CCDC197: variants seen among roughly 807,000 people sequenced by gnomAD.
CCDC197 encodes uncharacterized protein CCDC197.
In CCDC197, 24 loss-of-function variants were observed where a neutral mutation model predicts 13.4. The observed-to-expected ratio is 1.80, with a 90% CI of 1.30 to 2.53. The LOEUF (loss-of-function observed/expected upper bound fraction) is 2.53. Ranked by LOEUF, CCDC197 falls within the 30% of genes most tolerant of loss-of-function variation. The pLI is 0.00. For synonymous variants in CCDC197, 99 were observed against 55.5 expected (o/e 1.78, Z -3.48); for missense variants, 255 against 148.8 (o/e 1.71, Z -3.71).
chr14:93,999,444 G>T, intron 2 of CCDC197, 139 bp from the exon 3 acceptor site: 2 of 637,616 alleles, frequency 3.1e-6, no homozygotes, highest in East Asian at 2.7e-5. Flanking sequence ...CTAAGTCTAT[G>T]GCCAACTGAT....
rs958760619 is a variant in CCDC197, at chr14:94,003,372, G to C, written c.498+18G>C. ...GCTATAATGTGAGTCCAGTCTTTCA[G>C]CCTGGGGGTGGGGTTAGGGGTGGGG... is the stretch of plus-strand genomic sequence containing the variant. On this transcript the variant is annotated intron_variant, in intron 5 of 6. Coordinates refer to ENST00000636493, the MANE Select transcript of CCDC197 (RefSeq NM_001351596.2). This position sits in a 1 kb window ranked among gnomAD's most constrained non-coding sequence, Gnocchi z 5.0. The C allele has an allele frequency of 4.3e-6, 3 of 703,502 alleles. No individual in the cohort carries two copies. Among genetic ancestry groups the C allele is most frequent in the Non-Finnish European group, 7.9e-6 (3 of 377,672 alleles). 43.6% of individuals were successfully genotyped at this position (703,502 alleles called of 1,614,324 possible).
Position 93,998,242 on chromosome 14 carries a change from G to A in CCDC197, c.104+7G>A, listed in dbSNP as rs773703570. The A allele has an allele frequency of 3.9e-6, 3 of 778,900 alleles. No individual in the cohort carries two copies. Among genetic ancestry groups the A allele is most frequent in the Non-Finnish European group, 7.2e-6 (3 of 418,056 alleles). The allele number at this position is 778,900 out of a possible 1,614,324, so 48.2% of individuals were successfully genotyped here. On this transcript the variant is annotated splice_region_variant and intron_variant, in intron 2 of 6. Coordinates refer to ENST00000636493, the MANE Select transcript of CCDC197 (RefSeq NM_001351596.2). Reference sequence around the variant, plus strand: ...TCTACCAGCTCCAGGCTAAGTATGTGTTGTCCCACCCCTGCCCCAGCCCCA... The same window carrying A: ...TCTACCAGCTCCAGGCTAAGTATGTATTGTCCCACCCCTGCCCCAGCCCCA...
chr14:93,998,308 C>A, intron 2 of CCDC197, 73 bp downstream of exon 2: 1 of 731,152 alleles, frequency 1.4e-6, no homozygotes, highest in South Asian at 1.5e-5. Context: ...CTGGACTTAG[C>A]AAACATGTCC....
At chr14:94,002,624 G>A (rs1006775481) in intron 4 of CCDC197, among the ~76,000 whole-genome samples, 2 of 152,114 alleles carry the variant, frequency 1.3e-5, no homozygotes, top group African/African-American at 2.4e-5. Context: ...AGGCCAAAGC[G>A]GGCAGATCAT....
Position 93,998,151 on chromosome 14 carries a change from G to T in CCDC197, c.20G>T (p.Gly7Val), listed in dbSNP as rs372218185. 1.3e-6 allele frequency: 1 copy of T among 780,794 alleles called. No individual in the cohort carries two copies. The highest frequency in any genetic ancestry group is 1.7e-5 in the Admixed American group (1 of 59,042). 48.4% of individuals were successfully genotyped at this position (780,794 alleles called of 1,614,324 possible). A position where few individuals can be genotyped will look rare whatever the true frequency, so the allele number is the denominator to read the frequency against. The change falls in exon 2 of 7, where the codon GGC (glycine) becomes GTC (valine). Residue 7 changes from glycine (G) to valine (V), a missense_variant. Physicochemically the swap from Gly to Val is moderately radical, Grantham distance 109 (BLOSUM62 -3). Transcript: ENST00000636493. ...GAGGTGATGGCAGCCATGGACACAG[G>T]CCAGAGAGCTGACCCAAGCAATCCT... Reference protein sequence around the residue: MAAMDTGQRADPSNPGD... With the variant: MAAMDTVQRADPSNPGD...
chr14:94,001,159 G>A lies in CCDC197; in HGVS notation c.202G>A (p.Glu68Lys), dbSNP rs1401581049. 3.8e-6 allele frequency: 3 copies of A among 779,610 alleles called. No homozygotes were observed. Among genetic ancestry groups the A allele is most frequent in the Non-Finnish European group, 4.8e-6 (2 of 417,506 alleles). The allele number at this position is 779,610 out of a possible 1,614,324, so 48.3% of individuals were successfully genotyped here. Reference protein sequence around the residue: ...EKIPEGCTGWEEPEEVLVEAT... With the variant: ...EKIPEGCTGWKEPEEVLVEAT... ...TGTCTCCGTAGGCTGCACGGGATGGGAGGAGCCGGAGGAGGTGCTGGTGGA... is the reference window on the plus strand; with the variant it reads ...TGTCTCCGTAGGCTGCACGGGATGGAAGGAGCCGGAGGAGGTGCTGGTGGA... The change falls in exon 4 of 7, where the codon GAG (glutamate) becomes AAG (lysine). Residue 68 changes from glutamate (E) to lysine (K), a missense_variant. Transcript: ENST00000636493.
chr14:94,004,920 C>T lies in CCDC197; in HGVS notation c.564C>T (p.Ala188=), dbSNP rs1332594789. The T allele has an allele frequency of 4.3e-6, 3 of 702,942 alleles. No homozygotes were observed. The highest frequency in any genetic ancestry group is 2.0e-5 in the Admixed American group (1 of 49,996). 43.5% of individuals were successfully genotyped at this position (702,942 alleles called of 1,614,324 possible). ...TGGCCCGGCAGTGCTGCCCCTCTGCCCACGGCGTGCCCAAGAGCATGGATC... is the reference window on the plus strand; with the variant it reads ...TGGCCCGGCAGTGCTGCCCCTCTGCTCACGGCGTGCCCAAGAGCATGGATC... ...TNMARQCCPS[A]HGVPKSMDLF... is the part of the protein sequence containing the mutation. Residue 188 remains alanine (A), a synonymous_variant, in exon 6 of 7, where the codon GCC becomes GCT. Transcript: ENST00000636493.
At chr14:93,998,728 C>G (rs534405127) in intron 2 of CCDC197, among the ~76,000 whole-genome samples, 11 of 152,376 alleles carry the variant, frequency 7.2e-5, no homozygotes, top group Admixed American at 6.5e-4. Flanking sequence ...GATTCAGAGG[C>G]CTTCCTGATC....
intron 6 of CCDC197, among the ~76,000 whole-genome samples, chr14:94,006,180 T>C (rs1890673574): frequency 6.6e-6 from 1 of 152,168 alleles, no homozygotes; most frequent in African/African-American, 2.4e-5. Context: ...GTCAACTTTT[T>C]CTAATTTAGC....
intron 2 of CCDC197, among the ~76,000 whole-genome samples, chr14:93,998,998 G>A (rs540738877): frequency 6.6e-6 from 1 of 152,370 alleles, no homozygotes; most frequent in South Asian, 2.1e-4. Context: ...GCTGGGTCCA[G>A]AGCAGGTGAC....
At chr14:93,992,199 T>C (rs936843852) in intron 1 of CCDC197, among the ~76,000 whole-genome samples, 1 of 152,146 alleles carries the variant, frequency 6.6e-6, no homozygotes, top group East Asian at 1.9e-4. Context: ...AGACGAGCTC[T>C]CTCTGGCTGC....
downstream of CCDC197, among the ~76,000 whole-genome samples, chr14:94,010,702 G>A (rs1595359562): frequency 1.3e-5 from 2 of 152,302 alleles, no homozygotes; most frequent in African/African-American, 4.8e-5. Context: ...AACCCCCTGA[G>A]CAGTCTGAGA....
rs962861620 is a variant in CCDC197, at chr14:93,999,633, A to G, written c.155A>G (p.Tyr52Cys). 4 of 781,074 alleles carry G rather than the reference A, an allele frequency of 5.1e-6. No individual in the cohort carries two copies. Among genetic ancestry groups the G allele is most frequent in the South Asian group, 1.3e-5 (1 of 74,622 alleles). The allele number at this position is 781,074 out of a possible 1,614,324, so 48.4% of individuals were successfully genotyped here. A position where few individuals can be genotyped will look rare whatever the true frequency, so the allele number is the denominator to read the frequency against. Reference protein sequence around the residue: ...EVEKHKLFEDYLIKVLEKIPE... With the variant: ...EVEKHKLFEDCLIKVLEKIPE... ...GAGAAGCACAAGCTTTTTGAAGACT[A>G]TCTGATTAAGGTCCTTGAGAAAATC... Residue 52 changes from tyrosine (Y) to cysteine (C), a missense_variant, in exon 3 of 7, where the codon TAT becomes TGT. Physicochemically the swap from Tyr to Cys is radical, Grantham distance 194. Coordinates refer to ENST00000636493, the MANE Select transcript of CCDC197 (RefSeq NM_001351596.2).
At chr14:93,995,683 T>C (rs1460785978), upstream of CCDC197, among the ~76,000 whole-genome samples, 1 of 152,148 alleles carries the variant, frequency 6.6e-6, no homozygotes, top group African/African-American at 2.4e-5. Context: ...GAGAGGATGA[T>C]GAAAAGGGGT....
chr14:94,010,712 A>G (rs1890794256), downstream of CCDC197, among the ~76,000 whole-genome samples: 1 of 152,164 alleles, frequency 6.6e-6, no homozygotes, highest in African/African-American at 2.4e-5. Flanking sequence ...GCAGTCTGAG[A>G]AGGTGGCTGG....
Position 94,003,153 on chromosome 14 carries a change from G to A in CCDC197, c.367-70G>A. On this transcript the variant is annotated intron_variant, in intron 4 of 6. Transcript: ENST00000636493. The surrounding 1 kb of genome is among the most constrained non-coding windows in gnomAD (Gnocchi z 5.0). ...ATCCTGTCATTGCACAGACCACCCT[G>A]GGGACTCAGACCAGGGCATATGCCC... 1.4e-6 allele frequency: 1 copy of A among 727,600 alleles called. No homozygotes were observed. The highest frequency in any genetic ancestry group is 2.6e-6 in the Non-Finnish European group (1 of 390,832). The allele number at this position is 727,600 out of a possible 1,614,324, so 45.1% of individuals were successfully genotyped here.
At chr14:94,008,156 G>A (rs533609518) in intron 6 of CCDC197, among the ~76,000 whole-genome samples, 8 of 152,296 alleles carry the variant, frequency 5.3e-5, no homozygotes, top group Admixed American at 5.2e-4. Context: ...AATCAGATTG[G>A]GCCTCTGGAT....
intron 3 of CCDC197, among the ~76,000 whole-genome samples, chr14:94,000,087 G>C (rs1890446998): frequency 6.6e-6 from 1 of 152,102 alleles, no homozygotes; most frequent in South Asian, 2.1e-4. Flanking sequence ...AAGAGTATAA[G>C]GACATCTGAG....
chr14:93,988,242 A>T (rs548829689), intron 1 of CCDC197, among the ~76,000 whole-genome samples: 51 of 50,048 alleles, frequency 1.0e-3, no homozygotes, highest in African/African-American at 4.2e-3. Flanking sequence ...AAGAGAGGGG[A>T]TGAGAGAGGG....
Sources: gnomAD v4.1 joint callset for allele counts (sites outside exome capture counted in the v4.1 genomes callset) on GRCh38, gnomAD v4.1.1 for gene constraint, Gnocchi (gnomAD v3.1) non-coding constraint, MANE v1.5 for transcripts, NCBI Gene and HGNC (gene_info 2026-07-23, HGNC 2026-07-21) for gene names.